The following CC2D2A variants were observed in gnomAD, a reference collection of about 807,000 sequenced individuals.
The protein encoded by CC2D2A is coiled-coil and C2 domain-containing protein 2A.
CC2D2A carries 155 observed loss-of-function variants against 212.9 expected under a neutral mutation model. The ratio of observed to expected loss-of-function variants is 0.73; its 90% CI spans 0.64 to 0.83. The LOEUF (loss-of-function observed/expected upper bound fraction) is 0.83, where lower values mean the gene tolerates loss of function less well. Ranked by LOEUF, CC2D2A falls within the 40% of genes least tolerant of loss-of-function variation. The pLI, the probability that CC2D2A is intolerant of heterozygous loss-of-function variation, is 0.00. For missense variants in CC2D2A, 1,856 were observed against 1,956.2 expected, an observed-to-expected ratio of 0.95 and a Z score of 0.97; for synonymous variants, 667 against 686.5, an observed-to-expected ratio of 0.97 and a Z score of 0.44.
At chr4:15,576,439 A>G (rs1160582433) in intron 29 of CC2D2A, 1 of 935,240 alleles carries the variant, frequency 1.1e-6, no homozygotes, top group Non-Finnish European at 1.3e-6. Flanking sequence ...GATGTTTTAA[A>G]CATATTTACC....
chr4:15,553,572 A>C (rs1228879624), intron 19 of CC2D2A, among the ~76,000 whole-genome samples: 1 of 152,156 alleles, frequency 6.6e-6, no homozygotes, highest in East Asian at 1.9e-4. Context: ...CAGTAACTCT[A>C]GGAGGTATTC....
intron 1 of CC2D2A, chr4:15,473,228 T>G (rs1713955246): frequency 1.3e-5 from 2 of 152,208 alleles, no homozygotes; most frequent in Non-Finnish European, 2.9e-5. Context: ...GCAGCTATAT[T>G]CTAATGGATA....
At chr4:15,473,007 T>C (rs1426606239) in intron 1 of CC2D2A, among the ~76,000 whole-genome samples, 2 of 152,250 alleles carry the variant, frequency 1.3e-5, no homozygotes, top group African/African-American at 4.8e-5. Flanking sequence ...ATATGCCTGT[T>C]GTTTCTCCAT....
At chr4:15,482,006 G>T (rs990298708) in intron 4 of CC2D2A, 2 of 985,300 alleles carry the variant, frequency 2.0e-6, no homozygotes, top group African/African-American at 1.7e-5. Context: ...CCTGCTCATT[G>T]TAGGGAAAAT....
chr4:15,494,552 CTA>C (rs1560149309), intron 4 of CC2D2A, among the ~76,000 whole-genome samples: 1 of 152,192 alleles, frequency 6.6e-6, no homozygotes, highest in African/African-American at 2.4e-5. Context: ...ACAAGTGACA[CTA>C]GTCTATTTCA....
intron 29 of CC2D2A, among the ~76,000 whole-genome samples, chr4:15,577,714 CT>C (rs537406474): frequency 1.6e-3 from 229 of 145,588 alleles, no homozygotes; most frequent in East Asian, 2.8e-3. Flanking sequence ...TTTAGACACA[CT>C]TTTTTTTTTT....
chr4:15,576,352 C>T, intron 29 of CC2D2A: 1 of 983,674 alleles, frequency 1.0e-6, no homozygotes, highest in Non-Finnish European at 1.2e-6. Flanking sequence ...ATTGTTTTTC[C>T]ACTTACAGCA....
intron 14 of CC2D2A, among the ~76,000 whole-genome samples, chr4:15,534,911 A>G (rs897568149): frequency 2.0e-5 from 3 of 151,648 alleles, no homozygotes; most frequent in African/African-American, 2.4e-5. Context: ...TAACAAATTT[A>G]GGCAGTTATC....
intron 18 of CC2D2A, 127 bp from the exon 19 acceptor site, chr4:15,553,031 T>G: frequency 1.4e-6 from 1 of 721,560 alleles, no homozygotes; most frequent in Non-Finnish European, 2.1e-6. Flanking sequence ...CTGGCTTGAA[T>G]CATGTGCTCC....
chr4:15,491,125 T>C (rs1447967246), intron 4 of CC2D2A, among the ~76,000 whole-genome samples: 1 of 152,204 alleles, frequency 6.6e-6, no homozygotes, highest in African/African-American at 2.4e-5. Context: ...ATAGAATCTC[T>C]GAGTCATATG....
At chr4:15,521,219 A>C (rs1717180749) in intron 11 of CC2D2A, among the ~76,000 whole-genome samples, 1 of 152,208 alleles carries the variant, frequency 6.6e-6, no homozygotes, top group Non-Finnish European at 1.5e-5. Flanking sequence ...AAAGGGGATT[A>C]AGTTAAATGG....
At chr4:15,486,956 G>T (rs1364498000) in intron 4 of CC2D2A, among the ~76,000 whole-genome samples, 1 of 151,802 alleles carries the variant, frequency 6.6e-6, no homozygotes, top group East Asian at 1.9e-4. Flanking sequence ...AGAGTTTTCA[G>T]AGTTTCTCTT....
intron 7 of CC2D2A, 114 bp downstream of exon 7, chr4:15,510,354 G>T: frequency 1.2e-6 from 1 of 841,042 alleles, no homozygotes; most frequent in East Asian, 2.7e-5. Context: ...CCAGCGCTTT[G>T]GGAGGCCAAG....
intron 17 of CC2D2A, among the ~76,000 whole-genome samples, chr4:15,542,093 A>T (rs1718484854): frequency 6.6e-6 from 1 of 152,116 alleles, no homozygotes; most frequent in Non-Finnish European, 1.5e-5. Flanking sequence ...TTTGTCGCTT[A>T]TAAGAACACT....
At chr4:15,596,800 C>A (rs564459058) in intron 34 of CC2D2A, among the ~76,000 whole-genome samples, 1 of 152,188 alleles carries the variant, frequency 6.6e-6, no homozygotes, top group East Asian at 1.9e-4. Context: ...TTAGTAGGAG[C>A]ATTGCTTGAA....
chr4:15,481,981 G>A (rs1714698766), intron 4 of CC2D2A: 1 of 985,274 alleles, frequency 1.0e-6, no homozygotes, highest in African/African-American at 1.7e-5. Flanking sequence ...CCAGTACAAT[G>A]AACATTAGGA....
At chr4:15,526,903 C>A (rs1049322532) in intron 11 of CC2D2A, among the ~76,000 whole-genome samples, 15 of 152,190 alleles carry the variant, frequency 9.9e-5, no homozygotes, top group African/African-American at 2.7e-4. Flanking sequence ...GCACAGCCCC[C>A]ACTCTTATTT....
At chr4:15,495,406 G>T (rs1230330884) in intron 4 of CC2D2A, among the ~76,000 whole-genome samples, 1 of 152,150 alleles carries the variant, frequency 6.6e-6, no homozygotes, top group African/African-American at 2.4e-5. Context: ...ACCACGCCCA[G>T]CCTCTATTGT....
chr4:15,480,529 G>T (rs1164021916), intron 3 of CC2D2A, among the ~76,000 whole-genome samples, 175 bp from the exon 4 acceptor site: 1 of 152,152 alleles, frequency 6.6e-6, no homozygotes, highest in Non-Finnish European at 1.5e-5. Flanking sequence ...GAAATTCTGG[G>T]TTGGCACCTC....
Sources: allele counts gnomAD v4.1 joint callset (sites outside exome capture counted in the v4.1 genomes callset), GRCh38; gene constraint gnomAD v4.1.1; transcripts MANE v1.5; gene names NCBI Gene and HGNC (gene_info 2026-07-23, HGNC 2026-07-21).